Variants in SPRED2 observed in about 807,000 individuals in gnomAD.
SPRED2 encodes sprouty related EVH1 domain containing 2.
SPRED2 carries 47 observed loss-of-function variants against 43.0 expected under a neutral mutation model. The observed-to-expected ratio is 1.09, with a 90% CI of 0.87 to 1.40. The LOEUF (loss-of-function observed/expected upper bound fraction) is 1.40. Ranked by LOEUF, SPRED2 falls within the 40% of genes most tolerant of loss-of-function variation. The probability of loss-of-function intolerance (pLI) is 0.00; values close to 1 mark genes in which losing one functional copy is unlikely to be tolerated. For synonymous variants in SPRED2, 225 were observed against 225.7 expected, an observed-to-expected ratio of 1.00 and a Z score of 0.03; for missense variants, 561 against 586.4, an observed-to-expected ratio of 0.96 and a Z score of 0.45.
intron 1 of SPRED2, among the ~76,000 whole-genome samples, chr2:65,391,147 T>G (rs2103685048): frequency 6.7e-6 from 1 of 149,952 alleles, no homozygotes; most frequent in Middle Eastern, 3.5e-3. Context: ...GCTTGTCACT[T>G]TATCTTTGGC....
intron 1 of SPRED2, among the ~76,000 whole-genome samples, chr2:65,362,772 C>T (rs779239534): frequency 3.3e-5 from 5 of 151,444 alleles, no homozygotes; most frequent in Non-Finnish European, 7.4e-5. Context: ...GCAGGAGAAT[C>T]GCTTGAACCA....
At position 65,310,953 on chromosome 2, in the gene SPRED2, C is replaced by T; in HGVS notation, c.*2548G>A. On this transcript the variant is annotated 3_prime_UTR_variant, in exon 6 of 6. Transcript: ENST00000356388. ...AAAAAAAGTTAAGAACTAAAATGTA[C>T]ATCATACACTTGTATATATATTTTT... 1 of 982,394 alleles carries T rather than the reference C, an allele frequency of 1.0e-6. No individual in the cohort carries two copies. The highest frequency in any genetic ancestry group is 4.7e-5 in the South Asian group (1 of 21,214). 60.9% of individuals were successfully genotyped at this position (982,394 alleles called of 1,614,324 possible). A position where few individuals can be genotyped will look rare whatever the true frequency, so the allele number is the denominator to read the frequency against.
At chr2:65,400,954 A>C (rs1347537239) in intron 1 of SPRED2, among the ~76,000 whole-genome samples, 3 of 151,600 alleles carry the variant, frequency 2.0e-5, no homozygotes, top group Admixed American at 1.3e-4. Context: ...TTTATTCCTT[A>C]TCATCATTTT....
At chr2:65,404,829 T>C (rs1330827993) in intron 1 of SPRED2, among the ~76,000 whole-genome samples, 2 of 152,180 alleles carry the variant, frequency 1.3e-5, no homozygotes, top group African/African-American at 4.8e-5. Context: ...CTCCCCAGCA[T>C]GAACAGACCA....
chr2:65,335,377 T>A (rs1673935638), intron 2 of SPRED2, among the ~76,000 whole-genome samples: 1 of 152,210 alleles, frequency 6.6e-6, no homozygotes, highest in Non-Finnish European at 1.5e-5. Flanking sequence ...GGGTCTCTAT[T>A]AACTTTATGT....
chr2:65,384,441 G>A (rs551174593), intron 1 of SPRED2, among the ~76,000 whole-genome samples: 1 of 152,130 alleles, frequency 6.6e-6, no homozygotes, highest in Non-Finnish European at 1.5e-5. Context: ...GCAGGGCCTG[G>A]TACAAAATGA....
At chr2:65,350,781 A>C (rs1674485657) in intron 1 of SPRED2, among the ~76,000 whole-genome samples, 1 of 152,220 alleles carries the variant, frequency 6.6e-6, no homozygotes, top group African/African-American at 2.4e-5. Flanking sequence ...TCCAGTTTCA[A>C]AGCAGGCCCC....
intron 1 of SPRED2, among the ~76,000 whole-genome samples, chr2:65,387,059 T>G (rs2103669845): frequency 6.6e-6 from 1 of 151,954 alleles, no homozygotes; most frequent in African/African-American, 2.4e-5. Context: ...GTGAATACCC[T>G]AAATGTCTAA....
chr2:65,330,669 T>C (rs1220280384), intron 4 of SPRED2, among the ~76,000 whole-genome samples: 1 of 152,226 alleles, frequency 6.6e-6, no homozygotes, highest in Non-Finnish European at 1.5e-5. Context: ...TCAGGTGTTA[T>C]ACATGCTACA....
intron 3 of SPRED2, among the ~76,000 whole-genome samples, chr2:65,332,481 T>A (rs940161743): frequency 2.6e-5 from 4 of 152,220 alleles, no homozygotes; most frequent in South Asian, 2.1e-4. Flanking sequence ...CTGTGTAAAC[T>A]GGATTTAGCT....
intron 1 of SPRED2, among the ~76,000 whole-genome samples, chr2:65,409,124 G>A (rs1227513839): frequency 6.6e-6 from 1 of 152,198 alleles, no homozygotes; most frequent in Non-Finnish European, 1.5e-5. Flanking sequence ...GGACACTGAA[G>A]TTTTTGAAAG....
chr2:65,426,299 T>C (rs1676557079), intron 1 of SPRED2, among the ~76,000 whole-genome samples: 1 of 152,186 alleles, frequency 6.6e-6, no homozygotes, highest in Non-Finnish European at 1.5e-5. Context: ...GAGGCTTATA[T>C]ATATATATAC....
At chr2:65,380,631 C>A (rs1340527790) in intron 1 of SPRED2, 1 of 152,172 alleles carries the variant, frequency 6.6e-6, no homozygotes, top group African/African-American at 2.4e-5. Flanking sequence ...CTTACTAGTG[C>A]CAAGTATGGC....
chr2:65,334,302 A>G (rs1252838074), intron 3 of SPRED2: 1 of 499,596 alleles, frequency 2.0e-6, no homozygotes, highest in South Asian at 1.5e-5. Context: ...CCATTTCAAT[A>G]GTCAGGACAA....
chr2:65,399,216 C>G (rs1675825498), intron 1 of SPRED2, among the ~76,000 whole-genome samples: 1 of 149,410 alleles, frequency 6.7e-6, no homozygotes, highest in African/African-American at 2.5e-5. Context: ...TTGCGGTGAG[C>G]CGAGATCACG....
intron 1 of SPRED2, among the ~76,000 whole-genome samples, chr2:65,384,006 G>T (rs896568501): frequency 1.3e-5 from 2 of 152,186 alleles, no homozygotes; most frequent in South Asian, 4.1e-4. Flanking sequence ...GGTCTTTCTG[G>T]AAAGAGCCTT....
intron 1 of SPRED2, among the ~76,000 whole-genome samples, chr2:65,430,368 T>G (rs1272558827): frequency 6.6e-6 from 1 of 152,212 alleles, no homozygotes; most frequent in Non-Finnish European, 1.5e-5. Flanking sequence ...CAGGGGTTAC[T>G]GCAGTCAAAG....
intron 4 of SPRED2, among the ~76,000 whole-genome samples, chr2:65,317,675 G>C (rs527666060): frequency 8.3e-4 from 126 of 152,240 alleles, no homozygotes; most frequent in African/African-American, 2.7e-3. Flanking sequence ...TTTATATGGA[G>C]GGGGGAAATC....
rs1215058066 is a variant in SPRED2 at position 65,312,164 on chromosome 2, T to G, written c.*1337A>C. 2.0e-6 allele frequency: 2 copies of G among 985,652 alleles called. No individual in the cohort carries two copies. The highest frequency in any genetic ancestry group is 1.7e-5 in the African/African-American group (1 of 57,346). The allele number at this position is 985,652 out of a possible 1,614,324, so 61.1% of individuals were successfully genotyped here. A position where few individuals can be genotyped will look rare whatever the true frequency, so the allele number is the denominator to read the frequency against. ...ACTCTTTTCCAGCTAATTAGAAGCC[T>G]CCTCCGTGGCAAGGCGACAGGCAGA... On this transcript the variant is annotated 3_prime_UTR_variant, in exon 6 of 6. Transcript: ENST00000356388.
Sources: gnomAD v4.1 joint callset for allele counts (sites outside exome capture counted in the v4.1 genomes callset) on GRCh38, gnomAD v4.1.1 for gene constraint, MANE v1.5 for transcripts, NCBI Gene and HGNC (gene_info 2026-07-23, HGNC 2026-07-21) for gene names.